DMD: variants seen among roughly 807,000 people sequenced by gnomAD.
DMD encodes dystrophin, also known as mutant dystrophin.
In DMD, 63 loss-of-function variants were observed where a neutral mutation model predicts 330.1. The ratio of observed to expected loss-of-function variants is 0.19; its 90% CI spans 0.16 to 0.24. The LOEUF (loss-of-function observed/expected upper bound fraction) is 0.24. DMD is among the 10% of genes least tolerant of loss of function. The pLI is 1.00. For synonymous variants in DMD, 1,223 were observed against 959.8 expected (o/e 1.27, Z -5.07); for missense variants, 3,344 against 2,684.1 (o/e 1.25, Z -5.43).
chrX:31,680,322 C>T (rs1358127621), intron 52 of DMD, among the ~76,000 whole-genome samples: 2 of 111,098 alleles, frequency 1.8e-5, no homozygotes, highest in South Asian at 7.7e-4. Context: ...TTCCAAGGGT[C>T]TTCTGAGTGA....
At chrX:31,123,484 C>T (rs1019411085) in intron 78 of DMD, among the ~76,000 whole-genome samples, 1 of 112,138 alleles carries the variant, frequency 8.9e-6, no homozygotes, top group Non-Finnish European at 1.9e-5. Context: ...ATAAAAACCA[C>T]AGGAAGACGA....
intron 41 of DMD, among the ~76,000 whole-genome samples, chrX:32,325,117 A>G (rs901969348): frequency 6.3e-5 from 7 of 111,368 alleles, no homozygotes; most frequent in Non-Finnish European, 1.1e-4. Context: ...ATCTATATAT[A>G]CTATTCATTG....
intron 7 of DMD, among the ~76,000 whole-genome samples, chrX:32,720,302 C>T (rs763911133): frequency 2.0e-4 from 22 of 111,398 alleles, no homozygotes; most frequent in Non-Finnish European, 4.0e-4. Context: ...TCATTTTGCA[C>T]CCATTAAATG....
At chrX:31,213,112 TGAG>T (rs985959012) in intron 64 of DMD, among the ~76,000 whole-genome samples, 3 of 112,758 alleles carry the variant, frequency 2.7e-5, no homozygotes, top group Non-Finnish European at 5.6e-5. Flanking sequence ...CACTTATGGC[TGAG>T]GGACCTCCCA....
chrX:32,690,363 T>C (rs766481547), intron 9 of DMD, among the ~76,000 whole-genome samples: 12 of 110,930 alleles, frequency 1.1e-4, no homozygotes, highest in Non-Finnish European at 1.5e-4. Context: ...GATGACAAAA[T>C]CAAATGGAAA....
rs760650491 is a variant in DMD at position 31,490,504 on chromosome X, C to T, written c.8547+6284G>A. On this transcript the variant is annotated intron_variant, in intron 57 of 78. Transcript: ENST00000357033. ...CCAGGAGGTGGAGCTTGCGGTGAGC[C>T]GAGATCGCACCGCTGCACTCCAGCC... Among the ~76,000 whole-genome samples the T allele has an allele frequency of 9.9e-5, 11 of 110,845 alleles. 1 individual carries two copies. The East Asian group carries it at 2.5e-3, about 26-fold the overall frequency.
intron 1 of DMD, among the ~76,000 whole-genome samples, chrX:33,254,352 T>C (rs775017199): frequency 7.3e-5 from 8 of 109,692 alleles, no homozygotes; most frequent in African/African-American, 2.7e-4. Flanking sequence ...AGATATGATA[T>C]ATTCAATTAT....
chrX:31,704,049 T>G (rs1283061073), intron 52 of DMD, among the ~76,000 whole-genome samples: 1 of 111,995 alleles, frequency 8.9e-6, no homozygotes, highest in Non-Finnish European at 1.9e-5. Context: ...AGTAAATGAT[T>G]TGAAAAATGG....
chrX:32,984,725 C>T (rs1167872445), intron 2 of DMD, among the ~76,000 whole-genome samples: 1 of 111,473 alleles, frequency 9.0e-6, no homozygotes, highest in African/African-American at 3.3e-5. Context: ...ATAATTGATT[C>T]CCATTAGAAT....
At chrX:31,805,930 C>T (rs952914692) in intron 50 of DMD, among the ~76,000 whole-genome samples, 3 of 112,230 alleles carry the variant, frequency 2.7e-5, no homozygotes, top group African/African-American at 9.7e-5. Flanking sequence ...GCTTGTGGGC[C>T]AAATCCAACC....
Position 31,510,506 on chromosome X carries a change from C to CTTTTT in DMD, c.8218-3058_8218-3054dup, listed in dbSNP as rs756448666. Among the ~76,000 whole-genome samples the CTTTTT allele has an allele frequency of 8.3e-5, 7 of 84,540 alleles. 1 individual carries two copies. The highest frequency in any genetic ancestry group is 2.9e-4 in the Admixed American group (2 of 6,861). 73.4% of individuals were successfully genotyped at this position (84,540 alleles called of 115,157 possible). On this transcript the variant is annotated intron_variant, in intron 55 of 78. Coordinates refer to ENST00000357033, the MANE Select transcript of DMD (RefSeq NM_004006.3). The stretch of plus-strand genomic sequence containing the variant: ...AATGAAAAATTGAATTCTGACTGCT[C>CTTTTT]TTTTTTTTTTTTTTTTTTTGAGACA...
intron 1 of DMD, among the ~76,000 whole-genome samples, chrX:33,100,413 C>T (rs752697429): frequency 1.7e-4 from 19 of 111,401 alleles, no homozygotes; most frequent in African/African-American, 2.3e-4. Context: ...ACGATGAAGC[C>T]GGGCACGGTG....
At chrX:31,735,740 C>T (rs1170915250) in intron 51 of DMD, among the ~76,000 whole-genome samples, 1 of 111,670 alleles carries the variant, frequency 9.0e-6, no homozygotes, top group African/African-American at 3.3e-5. Flanking sequence ...AGCAAGCCAC[C>T]AGGAATCCTT....
intron 37 of DMD, among the ~76,000 whole-genome samples, chrX:32,349,456 A>G (rs1376253284): frequency 1.8e-5 from 2 of 111,293 alleles, no homozygotes; most frequent in African/African-American, 6.5e-5. Flanking sequence ...TTTCAGAGCT[A>G]AAACATTTTA....
intron 7 of DMD, among the ~76,000 whole-genome samples, chrX:32,701,129 G>C (rs1477965050): frequency 8.9e-6 from 1 of 112,098 alleles, no homozygotes; most frequent in Non-Finnish European, 1.9e-5. Flanking sequence ...GATCGGGGTA[G>C]AGCCTGGAGC....
At chrX:32,125,055 G>A (rs1028902617) in intron 44 of DMD, among the ~76,000 whole-genome samples, 1 of 110,653 alleles carries the variant, frequency 9.0e-6, no homozygotes, top group Non-Finnish European at 1.9e-5. Context: ...CATAGCAAAG[G>A]ACAGACTATG....
At chrX:31,970,045 A>G (rs931279028) in intron 44 of DMD, among the ~76,000 whole-genome samples, 1 of 112,223 alleles carries the variant, frequency 8.9e-6, no homozygotes, top group Non-Finnish European at 1.9e-5. Context: ...AGGTTGGTGC[A>G]AAAGTAATCA....
intron 36 of DMD, among the ~76,000 whole-genome samples, chrX:32,363,493 G>T (rs2097844398): frequency 8.9e-6 from 1 of 111,822 alleles, no homozygotes; most frequent in Non-Finnish European, 1.9e-5. Context: ...CACATACAGA[G>T]GTACTGAGGA....
intron 43 of DMD, among the ~76,000 whole-genome samples, chrX:32,241,837 A>C (rs1302912096): frequency 3.6e-5 from 4 of 111,261 alleles, no homozygotes; most frequent in Non-Finnish European, 5.7e-5. Flanking sequence ...GAAATCTCTA[A>C]TCATTTTGCA....
Sources: allele counts gnomAD v4.1 joint callset (sites outside exome capture counted in the v4.1 genomes callset), GRCh38; gene constraint gnomAD v4.1.1; transcripts MANE v1.5; gene names NCBI Gene and HGNC (gene_info 2026-07-23, HGNC 2026-07-21).